Variants in DNAI7 observed in about 807,000 individuals in gnomAD.
The protein encoded by DNAI7 is cancer susceptibility 1.
A neutral mutation model predicts 86.6 loss-of-function variants in DNAI7; 78 were observed. The ratio of observed to expected loss-of-function variants is 0.90; its 90% confidence interval spans 0.75 to 1.09. The LOEUF (loss-of-function observed/expected upper bound fraction) is 1.09, where lower values mean the gene tolerates loss of function less well. Among genes scored for constraint, DNAI7 ranks in the 50% least tolerant of loss-of-function variants. The pLI, the probability that DNAI7 is intolerant of heterozygous loss-of-function variation, is 0.00. For synonymous variants in DNAI7, 274 were observed against 273.0 expected, an observed-to-expected ratio of 1.00 and a Z score of -0.04; for missense variants, 753 against 810.2, an observed-to-expected ratio of 0.93 and a Z score of 0.86.
intron 1 of DNAI7, among the ~76,000 whole-genome samples, chr12:25,192,150 T>A (rs112657770): frequency 6.6e-6 from 1 of 152,156 alleles, no homozygotes; most frequent in African/African-American, 2.4e-5. Flanking sequence ...GCCATATAAT[T>A]TTTACAAATA....
At chr12:25,181,724 A>C (rs1044753339) in intron 2 of DNAI7, among the ~76,000 whole-genome samples, 13 of 152,196 alleles carry the variant, frequency 8.5e-5, no homozygotes, top group African/African-American at 3.1e-4. Flanking sequence ...AAGGACATGA[A>C]CAGATACTTC....
In DNAI7 at chr12:25,144,585, G is replaced by A. The variant is rs765391080; in HGVS notation, c.782C>T (p.Thr261Ile). The change falls in exon 9 of 16, where the codon ACC (threonine) becomes ATC (isoleucine). Residue 261 changes from threonine (T) to isoleucine (I), a missense_variant. By Grantham distance (89) the Thr-to-Ile change is moderately conservative. Transcript: ENST00000395987. ...CAGTGCAGAAACATGATCATAGTGG[G>A]TATGCAGGAGTCGTACAGCAATGTC... ...TSDIAVRLLH[T>I]HYDHVSALHP... is the part of the protein sequence containing the mutation. 1.1e-5 allele frequency: 18 copies of A among 1,613,750 alleles called. No homozygotes were observed. Among genetic ancestry groups the A allele is most frequent in the Non-Finnish European group, 1.5e-5 (18 of 1,179,796 alleles).
At chr12:25,182,437 T>G (rs981600285) in intron 2 of DNAI7, among the ~76,000 whole-genome samples, 5 of 150,516 alleles carry the variant, frequency 3.3e-5, no homozygotes, top group African/African-American at 1.2e-4. Context: ...CTAATTAACC[T>G]AATCAACAGT....
chr12:25,123,328 T>C (rs1941612308), intron 9 of DNAI7, 42 bp from the exon 10 acceptor site: 4 of 1,324,244 alleles, frequency 3.0e-6, no homozygotes, highest in Non-Finnish European at 3.2e-6. Context: ...TGTCAGTGTC[T>C]ACATAGTACA....
At chr12:25,165,241 G>A (rs557679452) in intron 2 of DNAI7, among the ~76,000 whole-genome samples, 4 of 152,218 alleles carry the variant, frequency 2.6e-5, no homozygotes, top group African/African-American at 9.6e-5. Context: ...AATTAACCTC[G>A]CCTTCAAGGT....
intron 4 of DNAI7, among the ~76,000 whole-genome samples, chr12:25,156,570 A>G (rs538939321): frequency 6.6e-6 from 1 of 152,144 alleles, no homozygotes; most frequent in East Asian, 1.9e-4. Flanking sequence ...GCCTGGCCCC[A>G]TCTCTATTAA....
intron 2 of DNAI7, among the ~76,000 whole-genome samples, chr12:25,177,590 C>G (rs893201193): frequency 1.3e-5 from 2 of 152,150 alleles, no homozygotes; most frequent in Non-Finnish European, 1.5e-5. Context: ...TGGTTTCTTA[C>G]TATCATTAAT....
intron 2 of DNAI7, among the ~76,000 whole-genome samples, chr12:25,177,818 CT>C (rs1949111950): frequency 6.6e-6 from 1 of 152,156 alleles, no homozygotes; most frequent in Middle Eastern, 3.2e-3. Context: ...AATTTCAGCA[CT>C]TTTGCTCATC....
intron 11 of DNAI7, among the ~76,000 whole-genome samples, chr12:25,120,342 G>GAGAGAGAGAGAGAGA (rs71065905): frequency 1.5e-3 from 209 of 137,864 alleles, no homozygotes; most frequent in East Asian, 4.8e-3. Context: ...GAGAGAGAGA[G>GAGAGAGAGAGAGAGA]GAAGGAAGGG....
intron 12 of DNAI7, among the ~76,000 whole-genome samples, chr12:25,115,182 A>C (rs148993799): frequency 7.2e-4 from 109 of 152,358 alleles, no homozygotes; most frequent in African/African-American, 2.5e-3. Context: ...CACTGTATGT[A>C]TACCTCTGGG....
chr12:25,137,092 A>G (rs763529798), intron 9 of DNAI7, among the ~76,000 whole-genome samples: 2 of 152,226 alleles, frequency 1.3e-5, no homozygotes, highest in Non-Finnish European at 2.9e-5. Context: ...GTAAAAAGAT[A>G]ATCACCTAGG....
rs1304500334 is a variant in DNAI7, at chr12:25,190,614, C to CT, written c.20dup (p.Ser8ValfsTer4). 4.3e-6 allele frequency: 6 copies of CT among 1,396,000 alleles called. No individual in the cohort carries two copies. Among genetic ancestry groups the CT allele is most frequent in the East Asian group, 2.4e-5 (1 of 41,182 alleles). The allele number at this position is 1,396,000 out of a possible 1,614,324, so 86.5% of individuals were successfully genotyped here. On this transcript the variant is annotated frameshift_variant and splice_region_variant, in exon 2 of 16. Transcript: ENST00000395987. LOFTEE classifies it high-confidence loss of function. ...CTATTTTGAAAAAAATTCTACATAC[C>CT]TTTTTTGCTTTGGGACCCTAAAAGT...
At chr12:25,125,749 A>T (rs1044302573) in intron 9 of DNAI7, among the ~76,000 whole-genome samples, 2 of 152,130 alleles carry the variant, frequency 1.3e-5, no homozygotes, top group African/African-American at 2.4e-5. Flanking sequence ...TGGGTTTTAC[A>T]TTTAAGTCTT....
intron 14 of DNAI7, among the ~76,000 whole-genome samples, chr12:25,110,464 G>A (rs932758758): frequency 4.6e-5 from 7 of 151,992 alleles, no homozygotes; most frequent in African/African-American, 1.5e-4. Context: ...CCCTACTCCC[G>A]ACTCCACATA....
At chr12:25,148,823 G>A (rs1176917441) in intron 7 of DNAI7, among the ~76,000 whole-genome samples, 1 of 152,070 alleles carries the variant, frequency 6.6e-6, no homozygotes, top group African/African-American at 2.4e-5. Context: ...TAGTCTCTGA[G>A]TGTTTGCTTG....
downstream of DNAI7, chr12:25,108,049 C>T: frequency 6.2e-7 from 1 of 1,613,414 alleles, no homozygotes. Flanking sequence ...CAATGGGCCA[C>T]CACCAGTGTG....
chr12:25,150,749 A>C (rs1219203491), intron 6 of DNAI7, among the ~76,000 whole-genome samples: 1 of 152,152 alleles, frequency 6.6e-6, no homozygotes, highest in Non-Finnish European at 1.5e-5. Context: ...TCTACCAGTT[A>C]ACTATGTGTG....
intron 2 of DNAI7, among the ~76,000 whole-genome samples, chr12:25,175,834 C>T (rs1280679881): frequency 6.6e-6 from 1 of 151,688 alleles, no homozygotes; most frequent in East Asian, 1.9e-4. Context: ...AATCCCAGCA[C>T]TTTGGGAGGC....
chr12:25,182,605 T>TGCACAC (rs71450750), intron 2 of DNAI7, among the ~76,000 whole-genome samples: 1 of 132,098 alleles, frequency 7.6e-6, no homozygotes, highest in African/African-American at 2.9e-5. Context: ...TGAGACTGTC[T>TGCACAC]ACACACACAC....
Sources: gnomAD v4.1 joint callset for allele counts (sites outside exome capture counted in the v4.1 genomes callset) on GRCh38, gnomAD v4.1.1 for gene constraint, MANE v1.5 for transcripts, NCBI Gene and HGNC (gene_info 2026-07-23, HGNC 2026-07-21) for gene names.